Variants in PCDH15 observed in about 807,000 individuals in gnomAD.
The protein encoded by PCDH15 is protocadherin-15.
In PCDH15, 129 loss-of-function variants were observed where a neutral mutation model predicts 178.5. The observed-to-expected ratio is 0.72, with a 90% CI of 0.63 to 0.84. PCDH15 has a LOEUF of 0.84. Ranked by LOEUF, PCDH15 falls within the 40% of genes least tolerant of loss-of-function variation. PCDH15 has a pLI of 0.00. For synonymous variants in PCDH15, 800 were observed against 732.0 expected (o/e 1.09, Z -1.50); for missense variants, 2,230 against 2,099.9 (o/e 1.06, Z -1.21).
chr10:54,328,731 G>T (rs1182583537), intron 7 of PCDH15, among the ~76,000 whole-genome samples: 25 of 151,866 alleles, frequency 1.6e-4, no homozygotes, highest in Non-Finnish European at 1.2e-4. Flanking sequence ...TGATGCTTAT[G>T]GCCATGGTAC....
At chr10:53,980,143 C>T (rs2090508582) in intron 21 of PCDH15, among the ~76,000 whole-genome samples, 2 of 151,302 alleles carry the variant, frequency 1.3e-5, no homozygotes, top group African/African-American at 4.9e-5. Context: ...ATTGCTAGAA[C>T]TCTGGGGCAG....
At chr10:54,094,187 C>T (rs951754376) in intron 15 of PCDH15, among the ~76,000 whole-genome samples, 7 of 152,280 alleles carry the variant, frequency 4.6e-5, no homozygotes, top group Admixed American at 3.9e-4. Context: ...TGAGCATCTA[C>T]GCTGTGTTAG....
intron 18 of PCDH15, among the ~76,000 whole-genome samples, chr10:54,063,861 G>C (rs912072361): frequency 3.9e-5 from 6 of 152,210 alleles, no homozygotes; most frequent in African/African-American, 1.4e-4. Flanking sequence ...TACAGGGCAA[G>C]AGCCTTCTGC....
chr10:54,747,096 T>C (rs574476626), intron 1 of PCDH15, among the ~76,000 whole-genome samples: 1 of 152,372 alleles, frequency 6.6e-6, no homozygotes, highest in East Asian at 1.9e-4. Flanking sequence ...AGAGACTTAA[T>C]GCTAACTGCT....
At chr10:53,847,843 T>C (rs1028301798) in intron 28 of PCDH15, among the ~76,000 whole-genome samples, 1 of 152,122 alleles carries the variant, frequency 6.6e-6, no homozygotes, top group African/African-American at 2.4e-5. Context: ...TTTTAATGTA[T>C]TTTACCTTTT....
chr10:54,152,694 GTGTGTGTGTGTC>G (rs2044657667), intron 14 of PCDH15, among the ~76,000 whole-genome samples: 1 of 151,938 alleles, frequency 6.6e-6, no homozygotes, highest in African/African-American at 2.4e-5. Context: ...CTGTGTGTGT[GTGTGTGTGTGTC>G]TGTGTGCGAG....
At chr10:54,233,048 A>T (rs1435579733) in intron 9 of PCDH15, among the ~76,000 whole-genome samples, 1 of 149,956 alleles carries the variant, frequency 6.7e-6, no homozygotes, top group Non-Finnish European at 1.5e-5. Flanking sequence ...GACCCAGGTG[A>T]TTCTCCCACC....
chr10:54,823,762 T>C (rs911038594), intron 3 of PCDH15, among the ~76,000 whole-genome samples: 2 of 152,114 alleles, frequency 1.3e-5, no homozygotes, highest in Non-Finnish European at 2.9e-5. Flanking sequence ...CTCCAGCATG[T>C]AATTTTAAAA....
At chr10:55,544,567 T>A (rs945960506) in intron 2 of PCDH15, among the ~76,000 whole-genome samples, 1 of 152,182 alleles carries the variant, frequency 6.6e-6, no homozygotes, top group Non-Finnish European at 1.5e-5. Flanking sequence ...TATTTTTTCC[T>A]TACTGTTAGG....
At chr10:55,137,808 A>G (rs1297531906) in intron 2 of PCDH15, among the ~76,000 whole-genome samples, 1 of 152,096 alleles carries the variant, frequency 6.6e-6, no homozygotes, top group Non-Finnish European at 1.5e-5. Context: ...AAATGAGATA[A>G]CTACAGGAGT....
upstream of PCDH15, among the ~76,000 whole-genome samples, chr10:54,804,045 CT>C (rs938615106): frequency 1.3e-3 from 188 of 144,908 alleles, no homozygotes; most frequent in South Asian, 3.3e-3. Context: ...AAAAAATTTT[CT>C]TTTTTTTTTT....
At position 53,958,799 on chromosome 10, in the gene PCDH15, G is replaced by A. The variant is rs2087907526; in HGVS notation, c.3122+933C>T. ...TCGAGACCATCCTGGCTAATGCAGT[G>A]AAACCCCACCTCTACTGAAAATACA... On this transcript the variant is annotated intron_variant, in intron 23 of 37. Coordinates refer to ENST00000644397, the MANE Select transcript of PCDH15 (RefSeq NM_001384140.1). Among the ~76,000 whole-genome samples, 2 of 151,700 alleles carry A rather than the reference G, an allele frequency of 1.3e-5. 1 individual carries two copies.
chr10:54,073,453 T>C (rs1428262145), intron 17 of PCDH15, among the ~76,000 whole-genome samples: 1 of 152,164 alleles, frequency 6.6e-6, no homozygotes, highest in Non-Finnish European at 1.5e-5. Flanking sequence ...TATTTTTGCT[T>C]TTGTTAAAGT....
chr10:55,133,555 A>C (rs959273341), intron 2 of PCDH15, among the ~76,000 whole-genome samples: 4 of 152,018 alleles, frequency 2.6e-5, no homozygotes, highest in African/African-American at 4.8e-5. Flanking sequence ...TCTATTGTAC[A>C]TCTCTAGCCC....
At chr10:54,091,541 T>C (rs992315800) in intron 15 of PCDH15, among the ~76,000 whole-genome samples, 7 of 152,184 alleles carry the variant, frequency 4.6e-5, no homozygotes, top group African/African-American at 1.4e-4. Flanking sequence ...CCACAATGGA[T>C]TGATGGCCAG....
chr10:54,365,607 G>A (rs115251440), intron 5 of PCDH15, among the ~76,000 whole-genome samples: 2,711 of 152,050 alleles, frequency 0.018, 86 homozygotes, highest in African/African-American at 0.062. Context: ...AATAAATTTT[G>A]GGGGGTGAGA....
chr10:54,032,232 C>G (rs916899054), intron 18 of PCDH15, among the ~76,000 whole-genome samples: 1 of 151,796 alleles, frequency 6.6e-6, no homozygotes, highest in Non-Finnish European at 1.5e-5. Context: ...ACTGATTATT[C>G]TTCAGCCCTA....
At chr10:55,627,444 T>A (rs1428977218) in intron 2 of PCDH15, among the ~76,000 whole-genome samples, 1 of 152,066 alleles carries the variant, frequency 6.6e-6, no homozygotes, top group Non-Finnish European at 1.5e-5. Context: ...ATTCAGGCGA[T>A]GAGCTTTGAA....
At chr10:54,593,298 C>T (rs1394728179) in intron 2 of PCDH15, among the ~76,000 whole-genome samples, 1 of 152,092 alleles carries the variant, frequency 6.6e-6, no homozygotes, top group Non-Finnish European at 1.5e-5. Flanking sequence ...ATTAGTTTTA[C>T]AGTTTCAAGT....
Sources: gnomAD v4.1 joint callset for allele counts (sites outside exome capture counted in the v4.1 genomes callset) on GRCh38, gnomAD v4.1.1 for gene constraint, MANE v1.5 for transcripts, NCBI Gene and HGNC (gene_info 2026-07-23, HGNC 2026-07-21) for gene names.